Variants in RIPOR2 observed in about 807,000 individuals in gnomAD.
RIPOR2 encodes the protein rho family-interacting cell polarization regulator 2.
In RIPOR2, 39 loss-of-function variants were observed where a neutral mutation model predicts 114.5. The ratio of observed to expected loss-of-function variants is 0.34; its 90% CI spans 0.26 to 0.44. The LOEUF is 0.44. Among genes scored for constraint, RIPOR2 ranks in the 20% least tolerant of loss-of-function variants. The probability of loss-of-function intolerance (pLI) is 1.00; values close to 1 mark genes in which losing one functional copy is unlikely to be tolerated. For synonymous variants in RIPOR2, 445 were observed against 484.4 expected (o/e 0.92, Z 1.07); for missense variants, 1,007 against 1,255.1 (o/e 0.80, Z 2.99).
intron 1 of RIPOR2, among the ~76,000 whole-genome samples, chr6:24,983,985 A>G (rs1774420802): frequency 6.6e-6 from 1 of 152,090 alleles, no homozygotes; most frequent in Non-Finnish European, 1.5e-5. Context: ...TAGAATAAGG[A>G]CATGCTAGCT....
At position 24,999,397 on chromosome 6, in the gene RIPOR2, G is replaced by A. The variant is rs761098755; in HGVS notation, c.76+42454C>T. On this transcript the variant is annotated intron_variant, in intron 1 of 13. Transcript: ENST00000510784. Reference sequence around the variant, plus strand: ...TCTCCACCTTTTCCCAGGAATTTTCGTGAATATTCCACCCCTTGCTTTGGT... The same window carrying A: ...TCTCCACCTTTTCCCAGGAATTTTCATGAATATTCCACCCCTTGCTTTGGT... 5.9e-5 allele frequency among the ~76,000 whole-genome samples: 9 copies of A among 152,068 alleles called. No individual in the cohort carries two copies. The East Asian group carries it at 7.7e-4, about 13-fold the overall frequency.
At chr6:24,820,557 A>C (rs1462677510) in intron 19 of RIPOR2, among the ~76,000 whole-genome samples, 1 of 152,150 alleles carries the variant, frequency 6.6e-6, no homozygotes, top group Non-Finnish European at 1.5e-5. Flanking sequence ...GCAACCACTA[A>C]TCTACTCTCC....
chr6:24,897,848 C>T (rs181280530), intron 1 of RIPOR2, among the ~76,000 whole-genome samples: 13 of 152,138 alleles, frequency 8.5e-5, no homozygotes, highest in African/African-American at 3.1e-4. Flanking sequence ...CTCACTGCAA[C>T]CTCCACCTCC....
intron 8 of RIPOR2, among the ~76,000 whole-genome samples, chr6:24,854,811 T>C (rs890342514): frequency 2.0e-5 from 3 of 152,152 alleles, no homozygotes; most frequent in Non-Finnish European, 2.9e-5. Context: ...GCAGATCACC[T>C]GAGGTCAGGA....
chr6:24,823,830 C>A (rs1759912260), intron 19 of RIPOR2, among the ~76,000 whole-genome samples: 1 of 152,158 alleles, frequency 6.6e-6, no homozygotes, highest in South Asian at 2.1e-4. Flanking sequence ...AATCTCGGCT[C>A]ACTGCAGCCT....
chr6:24,810,845 C>G (rs138939028), intron 20 of RIPOR2, among the ~76,000 whole-genome samples: 1 of 152,058 alleles, frequency 6.6e-6, no homozygotes, highest in East Asian at 1.9e-4. Flanking sequence ...CATTCAGTCA[C>G]CCAGACTGGA....
At chr6:24,950,394 A>C (rs981049131) in intron 1 of RIPOR2, among the ~76,000 whole-genome samples, 7 of 151,976 alleles carry the variant, frequency 4.6e-5, no homozygotes, top group African/African-American at 1.7e-4. Flanking sequence ...CCCTTGGAAA[A>C]ATTTGGGCTC....
At chr6:24,810,362 C>T (rs1197248793) in intron 20 of RIPOR2, among the ~76,000 whole-genome samples, 2 of 152,164 alleles carry the variant, frequency 1.3e-5, no homozygotes, top group African/African-American at 4.8e-5. Flanking sequence ...GAGTAGAATC[C>T]ATTTTCCCTG....
At chr6:24,897,620 G>A (rs1370553361) in intron 1 of RIPOR2, among the ~76,000 whole-genome samples, 1 of 152,128 alleles carries the variant, frequency 6.6e-6, no homozygotes, top group East Asian at 1.9e-4. Context: ...ATGAAAGTTC[G>A]TCTAAACTTT....
intron 1 of RIPOR2, among the ~76,000 whole-genome samples, chr6:24,951,925 C>T (rs889585383): frequency 5.3e-5 from 8 of 152,154 alleles, no homozygotes; most frequent in Non-Finnish European, 5.9e-5. Flanking sequence ...GCTTACCTTC[C>T]GCTGGATCCA....
Position 24,977,008 on chromosome 6 carries a change from C to A in RIPOR2, c.76+64843G>T, listed in dbSNP as rs978479660. Reference sequence around the variant, plus strand: ...TTTGACTTGTGTTTTATCTTAACCACCAGATCATTCCTTCTGTAGCTCAGG... The same window carrying A: ...TTTGACTTGTGTTTTATCTTAACCAACAGATCATTCCTTCTGTAGCTCAGG... On this transcript the variant is annotated intron_variant, in intron 1 of 13. Transcript: ENST00000510784. The A allele has an allele frequency of 9.4e-6, 14 of 1,489,800 alleles. No homozygotes were observed. The East Asian group carries it at 1.6e-4, about 17-fold the overall frequency. 92.3% of individuals were successfully genotyped at this position (1,489,800 alleles called of 1,614,324 possible).
chr6:24,904,096 G>T (rs1031740840), intron 1 of RIPOR2, among the ~76,000 whole-genome samples: 2 of 152,220 alleles, frequency 1.3e-5, no homozygotes, highest in African/African-American at 4.8e-5. Context: ...AAGATTGAAG[G>T]TAGAAGCGGG....
rs772512860 is a variant in RIPOR2, at chr6:24,830,574, A to G, written c.2441T>C (p.Met814Thr). The G allele has an allele frequency of 2.1e-5, 33 of 1,551,298 alleles. No homozygotes were observed. The South Asian group carries it at 3.8e-4, about 18-fold the overall frequency. ...GVYHSPADRV[M>T]KQLEASFART... ...GGCAAAGCTGGCCTCCAGCTGCTTC[A>G]TCACTCTGTCCGCTGGGCTGTGGTA... Residue 814 changes from methionine (M) to threonine (T), a missense_variant, in exon 17 of 22, where the codon ATG (methionine) becomes ACG (threonine). By Grantham distance (81) the Met-to-Thr change is moderately conservative. Transcript: ENST00000643898.
chr6:24,928,719 C>T (rs1023426322), intron 1 of RIPOR2, among the ~76,000 whole-genome samples: 3 of 152,196 alleles, frequency 2.0e-5, no homozygotes, highest in Admixed American at 6.5e-5. Context: ...AAGGCAGCAA[C>T]GTCTTTCTTC....
chr6:24,895,322 T>G (rs983052798), intron 1 of RIPOR2, among the ~76,000 whole-genome samples: 10 of 152,136 alleles, frequency 6.6e-5, no homozygotes, highest in African/African-American at 2.4e-4. Flanking sequence ...GTGCTGGGAT[T>G]ATTGGCGTGA....
At chr6:24,922,542 A>T (rs894708820) in intron 1 of RIPOR2, among the ~76,000 whole-genome samples, 1 of 151,676 alleles carries the variant, frequency 6.6e-6, no homozygotes, top group African/African-American at 2.4e-5. Flanking sequence ...TTTTGTACCC[A>T]TTCTGAACTC....
At chr6:24,976,530 A>G (rs927662470) in intron 1 of RIPOR2, 33 of 1,590,518 alleles carry the variant, frequency 2.1e-5, no homozygotes, top group Non-Finnish European at 2.8e-5. Flanking sequence ...CATCTAATCC[A>G]TAAAGCTATG....
chr6:24,909,130 TG>T (rs977938629), intron 1 of RIPOR2, among the ~76,000 whole-genome samples: 6 of 152,140 alleles, frequency 3.9e-5, no homozygotes, highest in Non-Finnish European at 7.3e-5. Context: ...ATTATCTTCC[TG>T]GGGGAAAGGA....
intron 1 of RIPOR2, among the ~76,000 whole-genome samples, chr6:24,932,864 C>G (rs1423935569): frequency 6.6e-6 from 1 of 152,148 alleles, no homozygotes; most frequent in African/African-American, 2.4e-5. Flanking sequence ...GTTAAGTGAG[C>G]TGAAAGTATG....
Sources: gnomAD v4.1 joint callset for allele counts (sites outside exome capture counted in the v4.1 genomes callset) on GRCh38, gnomAD v4.1.1 for gene constraint, MANE v1.5 for transcripts, NCBI Gene and HGNC (gene_info 2026-07-23, HGNC 2026-07-21) for gene names.